The following CCDC3 variants were observed in gnomAD, a reference collection of about 807,000 sequenced individuals.
CCDC3 encodes the protein coiled-coil domain containing 3.
In CCDC3, 24 loss-of-function variants were observed where a neutral mutation model predicts 21.4. The ratio of observed to expected loss-of-function variants is 1.12; its 90% CI spans 0.81 to 1.58. The LOEUF (loss-of-function observed/expected upper bound fraction) is 1.58, where lower values mean the gene tolerates loss of function less well. Among genes scored for constraint, CCDC3 ranks in the 40% most tolerant of loss-of-function variants. The probability of loss-of-function intolerance (pLI) is 0.00; values close to 1 mark genes in which losing one functional copy is unlikely to be tolerated. For synonymous variants in CCDC3, 186 were observed against 166.0 expected (o/e 1.12, Z -0.93); for missense variants, 425 against 360.9 (o/e 1.18, Z -1.44).
intron 2 of CCDC3, among the ~76,000 whole-genome samples, chr10:12,925,157 G>A (rs1834514925): frequency 6.6e-6 from 1 of 152,150 alleles, no homozygotes; most frequent in Admixed American, 6.5e-5. Flanking sequence ...CAACTGGGGA[G>A]CAAAAACCCT....
rs374445285 is a variant in CCDC3, at chr10:12,920,292, TG to T, written c.550-21614del. Among the ~76,000 whole-genome samples, 652 of 152,208 alleles carry T rather than the reference TG, an allele frequency of 4.3e-3. 2 individuals are homozygous for T. Among genetic ancestry groups the T allele is most frequent in the African/African-American group, 0.015 (627 of 41,524 alleles). On this transcript the variant is annotated intron_variant, in intron 2 of 2. Coordinates refer to ENST00000378825, the MANE Select transcript of CCDC3 (RefSeq NM_031455.4). Reference sequence around the variant, plus strand: ...CTTAATCACTACCAGGAGAACAGTATGGGGGAAACAGTCCCTATGATTCAAT... The same window carrying T: ...CTTAATCACTACCAGGAGAACAGTATGGGGAAACAGTCCCTATGATTCAAT...
chr10:13,066,221 G>A (rs1836818545), intron 4 of CCDC3, among the ~76,000 whole-genome samples: 1 of 151,676 alleles, frequency 6.6e-6, no homozygotes, highest in African/African-American at 2.4e-5. Context: ...ACAATGGTAC[G>A]ATCTTGGCCC....
intron 2 of CCDC3, among the ~76,000 whole-genome samples, chr10:12,921,429 G>A (rs1043015678): frequency 4.6e-5 from 7 of 152,132 alleles, no homozygotes; most frequent in African/African-American, 1.4e-4. Flanking sequence ...CCCCCTCCCC[G>A]ACTCGTCCCA....
intron 2 of CCDC3, among the ~76,000 whole-genome samples, chr10:12,925,986 G>T (rs1254568038): frequency 6.6e-6 from 1 of 152,278 alleles, no homozygotes; most frequent in Admixed American, 6.5e-5. Context: ...ATTTGTAGGG[G>T]CAGTTGGGTA....
intron 2 of CCDC3, among the ~76,000 whole-genome samples, chr10:12,899,817 A>C (rs1225613071): frequency 6.6e-6 from 1 of 152,228 alleles, no homozygotes; most frequent in African/African-American, 2.4e-5. Flanking sequence ...CGGGGAGCAG[A>C]GAAGACAGGA....
At chr10:12,985,596 T>C (rs1220805944) in intron 2 of CCDC3, among the ~76,000 whole-genome samples, 1 of 152,166 alleles carries the variant, frequency 6.6e-6, no homozygotes, top group Non-Finnish European at 1.5e-5. Context: ...TACCCAGCAA[T>C]GAAAGGGAAT....
At chr10:13,060,308 A>G (rs1836739763) in intron 4 of CCDC3, among the ~76,000 whole-genome samples, 1 of 152,014 alleles carries the variant, frequency 6.6e-6, no homozygotes, top group Admixed American at 6.6e-5. Context: ...AGGGAAGGGG[A>G]TTGGCTCTCT....
chr10:12,944,285 C>T (rs1044706902), intron 2 of CCDC3, among the ~76,000 whole-genome samples: 3 of 152,196 alleles, frequency 2.0e-5, no homozygotes, highest in Admixed American at 6.5e-5. Flanking sequence ...TCCATTCTCT[C>T]TGACGCCTGC....
intron 2 of CCDC3, among the ~76,000 whole-genome samples, chr10:12,987,127 G>A (rs1193855345): frequency 6.6e-6 from 1 of 152,106 alleles, no homozygotes; most frequent in South Asian, 2.1e-4. Flanking sequence ...TCACCCCAGC[G>A]CCTGCACACA....
intron 2 of CCDC3, among the ~76,000 whole-genome samples, chr10:12,970,845 G>A (rs1040638657): frequency 2.7e-5 from 4 of 150,860 alleles, no homozygotes; most frequent in East Asian, 3.9e-4. Flanking sequence ...AGCTGAGATC[G>A]CATCACTGCA....
chr10:12,936,166 G>A (rs953792555), intron 2 of CCDC3, among the ~76,000 whole-genome samples: 1 of 152,134 alleles, frequency 6.6e-6, no homozygotes, highest in African/African-American at 2.4e-5. Flanking sequence ...CGGTCCGACG[G>A]TAATCTCAGT....
chr10:12,973,474 G>C (rs568260855), intron 2 of CCDC3, among the ~76,000 whole-genome samples: 2 of 152,186 alleles, frequency 1.3e-5, no homozygotes, highest in Non-Finnish European at 2.9e-5. Flanking sequence ...AGCTCCCTTG[G>C]GGAATGCCAC....
At chr10:12,995,619 G>A (rs1036987559) in intron 2 of CCDC3, among the ~76,000 whole-genome samples, 8 of 152,190 alleles carry the variant, frequency 5.3e-5, no homozygotes, top group Admixed American at 6.5e-5. Context: ...ACAAGCAGAG[G>A]TCTGGAAACG....
At chr10:12,980,161 G>A (rs566115473) in intron 2 of CCDC3, among the ~76,000 whole-genome samples, 46 of 152,320 alleles carry the variant, frequency 3.0e-4, no homozygotes, top group African/African-American at 1.0e-3. Flanking sequence ...CAAGTACGTC[G>A]GGTGATCTCT....
intron 2 of CCDC3, among the ~76,000 whole-genome samples, chr10:12,909,416 AC>A (rs1322681342): frequency 3.9e-5 from 6 of 152,048 alleles, no homozygotes; most frequent in Non-Finnish European, 7.4e-5. Flanking sequence ...CCAGTGGGGC[AC>A]CCGGGGGCCA....
At chr10:12,938,301 C>G (rs1006751165) in intron 2 of CCDC3, among the ~76,000 whole-genome samples, 4 of 151,962 alleles carry the variant, frequency 2.6e-5, no homozygotes, top group Admixed American at 6.6e-5. Flanking sequence ...CCAGTCCACA[C>G]GTTCAATACT....
At chr10:13,028,715 T>G (rs1836258279) in intron 5 of CCDC3, among the ~76,000 whole-genome samples, 1 of 152,128 alleles carries the variant, frequency 6.6e-6, no homozygotes, top group African/African-American at 2.4e-5. Context: ...GGTGGAATCC[T>G]AGGAAGATGA....
At chr10:13,026,481 T>C (rs945449435) in intron 5 of CCDC3, among the ~76,000 whole-genome samples, 1 of 152,220 alleles carries the variant, frequency 6.6e-6, no homozygotes, top group Non-Finnish European at 1.5e-5. Context: ...CATTTTTTTT[T>C]CTTAAGCTTT....
At chr10:12,993,301 A>C (rs1204950124) in intron 2 of CCDC3, among the ~76,000 whole-genome samples, 2 of 152,234 alleles carry the variant, frequency 1.3e-5, no homozygotes, top group African/African-American at 4.8e-5. Context: ...TAGAAGGGAA[A>C]ACTGAAGTTG....
Sources: allele counts gnomAD v4.1 joint callset (sites outside exome capture counted in the v4.1 genomes callset), GRCh38; gene constraint gnomAD v4.1.1; transcripts MANE v1.5; gene names NCBI Gene and HGNC (gene_info 2026-07-23, HGNC 2026-07-21).